GRM7: variants seen among roughly 807,000 people sequenced by gnomAD.
GRM7 encodes the protein metabotropic glutamate receptor 7.
Under a neutral mutation model 84.5 loss-of-function variants are expected in GRM7, and 35 were observed. That is an observed-to-expected ratio of 0.41 (90% CI 0.32 to 0.55). The LOEUF (loss-of-function observed/expected upper bound fraction) is 0.55. Among genes scored for constraint, GRM7 ranks in the 20% least tolerant of loss-of-function variants. GRM7 has a pLI of 0.19. For synonymous variants in GRM7, 487 were observed against 455.1 expected (o/e 1.07, Z -0.89); for missense variants, 1,003 against 1,194.6 (o/e 0.84, Z 2.36).
chr3:7,435,693 T>TTG (rs1176291482), intron 5 of GRM7, among the ~76,000 whole-genome samples: 8 of 139,780 alleles, frequency 5.7e-5, no homozygotes, highest in Admixed American at 2.1e-4. Context: ...TTTTTTTTTT[T>TTG]TTTTTTTTTT....
chr3:7,014,841 G>A (rs946983054), intron 1 of GRM7, among the ~76,000 whole-genome samples: 12 of 152,122 alleles, frequency 7.9e-5, no homozygotes, highest in African/African-American at 2.9e-4. Context: ...GGGTCGGGTG[G>A]GGACTTGGAG....
At chr3:6,899,359 CAA>C (rs1263308014) in intron 1 of GRM7, among the ~76,000 whole-genome samples, 2 of 152,088 alleles carry the variant, frequency 1.3e-5, no homozygotes, top group African/African-American at 2.4e-5. Context: ...AAATATCTGA[CAA>C]AGAGCTGGGC....
intron 8 of GRM7, among the ~76,000 whole-genome samples, chr3:7,659,446 C>T (rs976549567): frequency 6.7e-6 from 1 of 149,296 alleles, no homozygotes; most frequent in African/African-American, 2.5e-5. Flanking sequence ...CGGTAATGGT[C>T]AGACTATTTT....
intron 2 of GRM7, among the ~76,000 whole-genome samples, chr3:7,150,097 G>GAT (rs1685103224): frequency 1.3e-5 from 2 of 151,904 alleles, no homozygotes; most frequent in African/African-American, 4.8e-5. Flanking sequence ...GAGAGAGAGA[G>GAT]AGAGCAAGAA....
At chr3:7,030,318 G>T (rs1429040347) in intron 1 of GRM7, among the ~76,000 whole-genome samples, 2 of 152,200 alleles carry the variant, frequency 1.3e-5, no homozygotes, top group African/African-American at 2.4e-5. Context: ...TGCAGGAAAT[G>T]ATGACATAAG....
At position 6,862,308 on chromosome 3, in the gene GRM7, G is replaced by C. The variant is rs983982960; in HGVS notation, c.519+401G>C. Reference sequence around the variant, plus strand: ...AAAGATGAGACGATGCCTGGAAACCGGGCATTTCCCAACTCCCCAGCTTCC... The same window carrying C: ...AAAGATGAGACGATGCCTGGAAACCCGGCATTTCCCAACTCCCCAGCTTCC... On this transcript the variant is annotated intron_variant, in intron 1 of 9. Transcript: ENST00000357716. This position sits in a 1 kb window ranked among gnomAD's most constrained non-coding sequence, Gnocchi z 5.2. Among the ~76,000 whole-genome samples the C allele has an allele frequency of 6.6e-6, 1 of 151,980 alleles. No individual in the cohort carries two copies. Among genetic ancestry groups the C allele is most frequent in the Non-Finnish European group, 1.5e-5 (1 of 68,004 alleles).
intron 3 of GRM7, among the ~76,000 whole-genome samples, chr3:7,306,004 C>T (rs116125019): frequency 6.6e-6 from 1 of 152,100 alleles, no homozygotes; most frequent in Non-Finnish European, 1.5e-5. Context: ...ATAAATTTTT[C>T]ATGTTTCACA....
chr3:7,672,124 G>A (rs1265439828), intron 8 of GRM7, among the ~76,000 whole-genome samples: 1 of 151,948 alleles, frequency 6.6e-6, no homozygotes, highest in African/African-American at 2.4e-5. Context: ...TATATACTGG[G>A]TTCTTCCATC....
At chr3:7,278,883 T>A (rs1699163751) in intron 2 of GRM7, among the ~76,000 whole-genome samples, 1 of 152,166 alleles carries the variant, frequency 6.6e-6, no homozygotes, top group Non-Finnish European at 1.5e-5. Flanking sequence ...AACACAATCA[T>A]CATTTAGCTT....
At chr3:7,102,218 C>G (rs754689902) in intron 1 of GRM7, among the ~76,000 whole-genome samples, 44 of 151,766 alleles carry the variant, frequency 2.9e-4, no homozygotes, top group Non-Finnish European at 2.9e-4. Context: ...CCAACCTTCT[C>G]AGCTTTTATT....
At chr3:7,038,687 T>C (rs967984158) in intron 1 of GRM7, among the ~76,000 whole-genome samples, 3 of 152,182 alleles carry the variant, frequency 2.0e-5, no homozygotes, top group Non-Finnish European at 4.4e-5. Flanking sequence ...CAATGATACA[T>C]TTGTTACAAG....
rs145426750 is a variant in GRM7, at chr3:7,698,747, G to A, written c.2698+18452G>A. On this transcript the variant is annotated intron_variant, in intron 9 of 9. Coordinates refer to ENST00000357716, the MANE Select transcript of GRM7 (RefSeq NM_000844.4). ...CCCAATGCTGACCATCAAAGACATC[G>A]CCAGAAATTGCCTAATGTTTTCTGA... 3.3e-5 allele frequency among the ~76,000 whole-genome samples: 5 copies of A among 152,188 alleles called. No homozygotes were observed. The East Asian group carries it at 7.7e-4, about 24-fold the overall frequency.
At chr3:7,164,789 G>A (rs1694746650) in intron 2 of GRM7, among the ~76,000 whole-genome samples, 1 of 152,132 alleles carries the variant, frequency 6.6e-6, no homozygotes, top group Non-Finnish European at 1.5e-5. Flanking sequence ...CTTGCATTTG[G>A]GATGAATAAA....
chr3:6,985,156 G>A (rs1308311473), intron 1 of GRM7, among the ~76,000 whole-genome samples: 1 of 152,092 alleles, frequency 6.6e-6, no homozygotes, highest in East Asian at 1.9e-4. Context: ...CATGCACTGT[G>A]AAATAAACAT....
Position 7,666,603 on chromosome 3 carries a change from C to T in GRM7, c.2452-13446C>T, listed in dbSNP as rs180705689. ...ATTAGAACAATAATAACAATGATAACGGCCAAAACGTTAGAACTTAAAAAT... is the reference window on the plus strand; with the variant it reads ...ATTAGAACAATAATAACAATGATAATGGCCAAAACGTTAGAACTTAAAAAT... On this transcript the variant is annotated intron_variant, in intron 8 of 9. Coordinates refer to ENST00000357716, the MANE Select transcript of GRM7 (RefSeq NM_000844.4). Among the ~76,000 whole-genome samples the T allele has an allele frequency of 2.6e-3, 401 of 152,196 alleles. 3 individuals are homozygous for T. The highest frequency in any genetic ancestry group is 3.7e-3 in the Non-Finnish European group (252 of 68,020).
At chr3:6,920,211 T>C (rs1485501785) in intron 1 of GRM7, among the ~76,000 whole-genome samples, 1 of 152,298 alleles carries the variant, frequency 6.6e-6, no homozygotes, top group East Asian at 1.9e-4. Context: ...TAAGCTTTAA[T>C]TAGTGACATA....
intron 4 of GRM7, among the ~76,000 whole-genome samples, chr3:7,409,561 TTC>T (rs1259264351): frequency 6.7e-6 from 1 of 149,098 alleles, no homozygotes; most frequent in East Asian, 2.0e-4. Context: ...CTTTCCCAAC[TTC>T]TCTGTTTTGT....
intron 7 of GRM7, among the ~76,000 whole-genome samples, chr3:7,467,661 A>G (rs1281628411): frequency 6.6e-6 from 1 of 152,114 alleles, no homozygotes; most frequent in Non-Finnish European, 1.5e-5. Flanking sequence ...GAAAAACTAG[A>G]TCTAGGTCAT....
chr3:7,558,440 G>T (rs1311296667), intron 7 of GRM7, among the ~76,000 whole-genome samples: 1 of 152,066 alleles, frequency 6.6e-6, no homozygotes, highest in East Asian at 1.9e-4. Flanking sequence ...GAAAAGAAAA[G>T]ACGGGCCTGT....
Sources: allele counts gnomAD v4.1 joint callset (sites outside exome capture counted in the v4.1 genomes callset), GRCh38; gene constraint gnomAD v4.1.1; non-coding constraint Gnocchi (gnomAD v3.1); transcripts MANE v1.5; gene names NCBI Gene and HGNC (gene_info 2026-07-23, HGNC 2026-07-21).